C16orf96: variants seen among roughly 807,000 people sequenced by gnomAD.
The protein encoded by C16orf96 is chromosome 16 open reading frame 96.
In C16orf96, 108 loss-of-function variants were observed where a neutral mutation model predicts 103.6. The observed-to-expected ratio is 1.04, with a 90% CI of 0.89 to 1.22. C16orf96 has a LOEUF of 1.22. Among genes scored for constraint, C16orf96 ranks in the 50% most tolerant of loss-of-function variants. C16orf96 has a pLI of 0.00. For missense variants in C16orf96, 1,586 were observed against 1,464.2 expected (o/e 1.08, Z -1.36); for synonymous variants, 566 against 593.5 (o/e 0.95, Z 0.67).
the C16orf96 span, among the ~76,000 whole-genome samples, chr16:4,550,355 G>A: frequency 6.6e-6 from 1 of 152,138 alleles, no homozygotes; most frequent in East Asian, 1.9e-4. Context: ...ACAGTGCTGA[G>A]ATTACAGTAA....
intron 14 of C16orf96, among the ~76,000 whole-genome samples, chr16:4,596,591 A>G (rs926968186): frequency 6.6e-6 from 1 of 151,890 alleles, no homozygotes; most frequent in Non-Finnish European, 1.5e-5. Context: ...CTGAGGCAGG[A>G]GGATCGCTTG....
chr16:4,555,119 T>A (rs2059250191), upstream of C16orf96, among the ~76,000 whole-genome samples: 1 of 150,872 alleles, frequency 6.6e-6, no homozygotes, highest in African/African-American at 2.4e-5. Context: ...AAAAATTAGC[T>A]GGGCGTGGTG....
chr16:4,563,060 G>C, intron 1 of C16orf96: 1 of 854,606 alleles, frequency 1.2e-6, no homozygotes, highest in Non-Finnish European at 2.0e-6. Flanking sequence ...AGCTCTCCAA[G>C]TTTCGCCTGT....
intron 7 of C16orf96, 22 bp from the exon 8 acceptor site, chr16:4,587,017 A>G: frequency 6.5e-7 from 1 of 1,548,916 alleles, no homozygotes; most frequent in Non-Finnish European, 8.7e-7. Context: ...GATGGCAGAC[A>G]TGCCTGTGCT....
At chr16:4,579,161 G>T in intron 6 of C16orf96, 136 bp downstream of exon 6, 6 of 768,620 alleles carry the variant, frequency 7.8e-6, no homozygotes, top group Non-Finnish European at 1.3e-5. Flanking sequence ...CGAGCTGGCT[G>T]CGAAGGCAGC....
chr16:4,563,291 C>T (rs8050324), intron 1 of C16orf96, among the ~76,000 whole-genome samples: 10,830 of 152,190 alleles, frequency 0.071, 659 homozygotes, highest in African/African-American at 0.15. Context: ...ACTCTGTCGC[C>T]CAGGCTGGGG....
At chr16:4,555,874 T>A (rs992307665), upstream of C16orf96, among the ~76,000 whole-genome samples, 3 of 151,706 alleles carry the variant, frequency 2.0e-5, no homozygotes, top group South Asian at 4.2e-4. Flanking sequence ...TTACAAATTT[T>A]TTTTTGTAGA....
At chr16:4,588,592 T>A (rs531481419) in intron 9 of C16orf96, among the ~76,000 whole-genome samples, 1 of 152,250 alleles carries the variant, frequency 6.6e-6, no homozygotes, top group African/African-American at 2.4e-5. Context: ...ACTCTTCAGT[T>A]CCTCATCCCA....
At position 4,588,220 on chromosome 16, in the gene C16orf96, TG is replaced by T; in HGVS notation, c.2482del (p.Val828TrpfsTer5). ...AGGCAAGCCGCGTTGACCTGGAGAC[TG>T]TGGCCTTGGAGCTGAACGAGATGAT... ...GKASRVDLET[V>X]ALELNEMIQG... On this transcript the variant is annotated frameshift_variant, in exon 9 of 16. Coordinates refer to ENST00000444310, the MANE Select transcript of C16orf96 (RefSeq NM_001145011.2). LOFTEE classifies it high-confidence loss of function. 6.4e-7 allele frequency: 1 copy of T among 1,551,730 alleles called. No individual in the cohort carries two copies. Among genetic ancestry groups the T allele is most frequent in the Non-Finnish European group, 8.7e-7 (1 of 1,146,994 alleles).
At position 4,576,302 on chromosome 16, in the gene C16orf96, G is replaced by T. The variant is rs895794575; in HGVS notation, c.1822G>T (p.Ala608Ser). 1.2e-5 allele frequency: 19 copies of T among 1,550,706 alleles called. No individual in the cohort carries two copies. The Admixed American group carries it at 3.3e-4, about 27-fold the overall frequency. ...DAPATKMAAI[A>S]TDTAAAGPLG... ...CCCAGCCACCAAAATGGCCGCCATT[G>T]CAACAGACACGGCTGCAGCTGGGCC... Residue 608 changes from alanine (A) to serine (S), a missense_variant, in exon 5 of 16, where the codon GCA becomes TCA. Physicochemically the swap from Ala to Ser is moderately conservative, Grantham distance 99. Transcript: ENST00000444310.
At chr16:4,559,283 C>G (rs1218173326) in intron 1 of C16orf96, among the ~76,000 whole-genome samples, 1 of 152,074 alleles carries the variant, frequency 6.6e-6, no homozygotes, top group Non-Finnish European at 1.5e-5. Context: ...TGGCTCACAC[C>G]TGTAATCCCA....
chr16:4,538,988 C>G, the C16orf96 span, among the ~76,000 whole-genome samples: 1 of 152,152 alleles, frequency 6.6e-6, no homozygotes, highest in Non-Finnish European at 1.5e-5. Flanking sequence ...TCCCTGTGAG[C>G]GCCTCCTCTT....
intron 14 of C16orf96, among the ~76,000 whole-genome samples, chr16:4,597,470 G>C (rs1318314828): frequency 6.6e-6 from 1 of 152,126 alleles, no homozygotes; most frequent in Non-Finnish European, 1.5e-5. Context: ...CTGTCATCTA[G>C]AGGGAGGGGC....
chr16:4,575,140 A>G, intron 4 of C16orf96, 34 bp from the exon 5 acceptor site: 1 of 1,545,752 alleles, frequency 6.5e-7, no homozygotes. Flanking sequence ...CGGGGCTGGA[A>G]GCCAGCAGAG....
At chr16:4,583,331 T>C (rs1411407936) in intron 7 of C16orf96, among the ~76,000 whole-genome samples, 3 of 151,404 alleles carry the variant, frequency 2.0e-5, no homozygotes, top group African/African-American at 7.3e-5. Flanking sequence ...CAAGGCCCCA[T>C]CGCTAAAAAA....
upstream of C16orf96, among the ~76,000 whole-genome samples, chr16:4,555,726 C>A (rs1269439170): frequency 7.1e-6 from 1 of 140,164 alleles, no homozygotes; most frequent in African/African-American, 2.7e-5. Context: ...GAGGCAAGGT[C>A]TCACTCTGTT....
chr16:4,571,774 G>A, intron 2 of C16orf96, 109 bp downstream of exon 2: 1 of 957,940 alleles, frequency 1.0e-6, no homozygotes, highest in South Asian at 1.6e-5. Flanking sequence ...GAGTGCAGCT[G>A]TGAGGGTGTG....
At chr16:4,586,676 A>G (rs890978335) in intron 7 of C16orf96, among the ~76,000 whole-genome samples, 26 of 152,188 alleles carry the variant, frequency 1.7e-4, no homozygotes, top group African/African-American at 6.0e-4. Flanking sequence ...TTCATAGTAG[A>G]CTGGAGTTCC....
In C16orf96 at chr16:4,575,357, T is replaced by C; in HGVS notation, c.877T>C (p.Ser293Pro). Residue 293 changes from serine (S) to proline (P), a missense_variant, in exon 5 of 16, where the codon TCA (serine) becomes CCA (proline). Coordinates refer to ENST00000444310, the MANE Select transcript of C16orf96 (RefSeq NM_001145011.2). ...YEVPELLPEG[S>P]SAQAVSLSRA... is the part of the protein sequence containing the mutation. Reference sequence around the variant, plus strand: ...GGTCCCAGAGCTCCTCCCGGAGGGCTCATCTGCCCAAGCAGTTTCACTCAG... The same window carrying C: ...GGTCCCAGAGCTCCTCCCGGAGGGCCCATCTGCCCAAGCAGTTTCACTCAG... The C allele has an allele frequency of 1.3e-6, 2 of 1,551,176 alleles. No homozygotes were observed. Among genetic ancestry groups the C allele is most frequent in the Non-Finnish European group, 8.7e-7 (1 of 1,146,992 alleles).
Sources: allele counts gnomAD v4.1 joint callset (sites outside exome capture counted in the v4.1 genomes callset), GRCh38; gene constraint gnomAD v4.1.1; transcripts MANE v1.5; gene names NCBI Gene and HGNC (gene_info 2026-07-23, HGNC 2026-07-21).